Variants in SLC16A7 observed in about 807,000 individuals in gnomAD.
SLC16A7 encodes the protein solute carrier family 16 member 7.
Under a neutral mutation model 34.9 loss-of-function variants are expected in SLC16A7, and 33 were observed. The ratio of observed to expected loss-of-function variants is 0.94; its 90% CI spans 0.72 to 1.26. The LOEUF is 1.26. Ranked by LOEUF, SLC16A7 falls within the 50% of genes most tolerant of loss-of-function variation. The pLI is 0.00. For missense variants in SLC16A7, 573 were observed against 578.1 expected, an observed-to-expected ratio of 0.99 and a Z score of 0.09; for synonymous variants, 201 against 206.6, an observed-to-expected ratio of 0.97 and a Z score of 0.23.
intron 3 of SLC16A7, chr12:59,734,297 G>GC (rs1465348960): frequency 6.3e-6 from 1 of 159,678 alleles, no homozygotes; most frequent in Non-Finnish European, 1.4e-5. Flanking sequence ...GGCAGGATTG[G>GC]CATGTCAACA....
rs1215928409 is a variant in SLC16A7 at position 59,623,060 on chromosome 12, G to C, written c.-130+26824G>C. On this transcript the variant is annotated intron_variant, in intron 1 of 5. Transcript: ENST00000547379. Reference sequence around the variant, plus strand: ...CCTACTGAATGCTGTGTGTGTGTGTGTGTGTGTGTGTGTGTGTGTGTGTGT... The same window carrying C: ...CCTACTGAATGCTGTGTGTGTGTGTCTGTGTGTGTGTGTGTGTGTGTGTGT... 2.1e-5 allele frequency among the ~76,000 whole-genome samples: 3 copies of C among 142,090 alleles called. No individual in the cohort carries two copies. The East Asian group carries it at 6.0e-4, about 28-fold the overall frequency. 93.2% of individuals were successfully genotyped at this position (142,090 alleles called of 152,430 possible).
chr12:59,615,453 A>G (rs889104927), intron 1 of SLC16A7, among the ~76,000 whole-genome samples: 63 of 152,092 alleles, frequency 4.1e-4, no homozygotes, highest in Non-Finnish European at 8.8e-5. Flanking sequence ...TTCATTTGAC[A>G]TTGACTTTTA....
At chr12:59,630,757 G>A (rs552991385) in intron 1 of SLC16A7, among the ~76,000 whole-genome samples, 9 of 151,998 alleles carry the variant, frequency 5.9e-5, no homozygotes, top group African/African-American at 2.2e-4. Context: ...TAATAAGTTT[G>A]TAGAGTTTAA....
At chr12:59,681,780 G>A (rs1469980637) in intron 2 of SLC16A7, among the ~76,000 whole-genome samples, 2 of 151,998 alleles carry the variant, frequency 1.3e-5, no homozygotes, top group Admixed American at 6.6e-5. Flanking sequence ...TGGTTTCTTT[G>A]AGAGGGTCAG....
At chr12:59,686,956 T>G (rs1871207455) in intron 2 of SLC16A7, among the ~76,000 whole-genome samples, 1 of 152,028 alleles carries the variant, frequency 6.6e-6, no homozygotes, top group African/African-American at 2.4e-5. Context: ...TCACAGAAAA[T>G]AAGCATGTGA....
intron 1 of SLC16A7, among the ~76,000 whole-genome samples, chr12:59,637,971 A>T (rs1490198683): frequency 6.6e-6 from 1 of 152,084 alleles, no homozygotes; most frequent in Admixed American, 6.6e-5. Flanking sequence ...AGATGCCAGC[A>T]CCATGCTCTT....
intron 1 of SLC16A7, among the ~76,000 whole-genome samples, chr12:59,647,606 G>A (rs1868268814): frequency 6.9e-6 from 1 of 143,896 alleles, no homozygotes; most frequent in Non-Finnish European, 1.5e-5. Flanking sequence ...GTAAAGTTGT[G>A]TTTGGTGACC....
chr12:59,635,650 T>A lies in SLC16A7; in HGVS notation c.-129-19502T>A, dbSNP rs536509798. On this transcript the variant is annotated intron_variant, in intron 1 of 5. Coordinates refer to ENST00000547379, the MANE Select transcript of SLC16A7 (RefSeq NM_001270623.2). ...TTTTCCATGAAGGTTTTGTAAGGAG[T>A]TATGTTATAATTTCCTAAAACCTAT... 2.1e-4 allele frequency among the ~76,000 whole-genome samples: 32 copies of A among 152,106 alleles called. No homozygotes were observed. In the South Asian group the frequency reaches 5.8e-3, roughly 28 times the overall value.
At chr12:59,671,281 T>A in intron 2 of SLC16A7, among the ~76,000 whole-genome samples, 1 of 152,318 alleles carries the variant, frequency 6.6e-6, no homozygotes, top group South Asian at 2.1e-4. Flanking sequence ...ATGTTTGAAA[T>A]GATATGGTTC....
At chr12:59,671,939 A>G (rs373844069) in intron 2 of SLC16A7, among the ~76,000 whole-genome samples, 4,828 of 8,840 alleles carry the variant, frequency 0.55, 2,045 homozygotes, top group East Asian at 0.95. Flanking sequence ...CCATATATGT[A>G]TATATGTGTA....
At chr12:59,735,410 TG>T (rs914995271) in intron 3 of SLC16A7, among the ~76,000 whole-genome samples, 1 of 152,172 alleles carries the variant, frequency 6.6e-6, no homozygotes, top group Non-Finnish European at 1.5e-5. Context: ...ATACAAATGA[TG>T]GGGAGCCTGT....
chr12:59,717,065 C>T (rs769913864), intron 3 of SLC16A7, among the ~76,000 whole-genome samples: 4 of 152,094 alleles, frequency 2.6e-5, no homozygotes, highest in Non-Finnish European at 5.9e-5. Flanking sequence ...CAGATGGTTG[C>T]TTATTTGACT....
chr12:59,756,816 T>C (rs1208821640), intron 3 of SLC16A7, among the ~76,000 whole-genome samples: 2 of 133,442 alleles, frequency 1.5e-5, no homozygotes, highest in Non-Finnish European at 3.1e-5. Flanking sequence ...CGTATATTTA[T>C]TGCGGCACTA....
At chr12:59,776,141 TA>T (rs1882736641) in intron 5 of SLC16A7, among the ~76,000 whole-genome samples, 1 of 152,068 alleles carries the variant, frequency 6.6e-6, no homozygotes, top group African/African-American at 2.4e-5. Flanking sequence ...AATTATTCAG[TA>T]AAAAGATGCA....
intron 3 of SLC16A7, among the ~76,000 whole-genome samples, chr12:59,738,272 A>G (rs1877836062): frequency 6.6e-6 from 1 of 152,186 alleles, no homozygotes. Flanking sequence ...GAATTATTTT[A>G]TCCATAAAAT....
chr12:59,676,018 C>T (rs1423007020), intron 2 of SLC16A7, among the ~76,000 whole-genome samples: 4 of 152,066 alleles, frequency 2.6e-5, no homozygotes, highest in Non-Finnish European at 4.4e-5. Context: ...TGCCAATTGA[C>T]CTTCAGGCAA....
At chr12:59,741,728 A>G (rs759397991) in intron 3 of SLC16A7, among the ~76,000 whole-genome samples, 2 of 152,142 alleles carry the variant, frequency 1.3e-5, no homozygotes, top group Admixed American at 6.5e-5. Context: ...ACTTTGTGCT[A>G]TTGGTTAGTT....
intron 3 of SLC16A7, among the ~76,000 whole-genome samples, chr12:59,749,815 G>C (rs1278520940): frequency 6.6e-6 from 1 of 152,152 alleles, no homozygotes; most frequent in African/African-American, 2.4e-5. Flanking sequence ...GGAATGTAAA[G>C]GACTTCAAGA....
At chr12:59,606,032 C>T (rs1436009397) in intron 1 of SLC16A7, among the ~76,000 whole-genome samples, 1 of 152,100 alleles carries the variant, frequency 6.6e-6, no homozygotes, top group Non-Finnish European at 1.5e-5. Flanking sequence ...TTTATCTCTA[C>T]CTTTATTTTT....
Sources: allele counts gnomAD v4.1 joint callset (sites outside exome capture counted in the v4.1 genomes callset), GRCh38; gene constraint gnomAD v4.1.1; transcripts MANE v1.5; gene names NCBI Gene and HGNC (gene_info 2026-07-23, HGNC 2026-07-21).